The following PARL variants were observed in gnomAD, a reference collection of about 807,000 sequenced individuals.
The protein encoded by PARL is presenilin-associated rhomboid-like protein, mitochondrial.
Under a neutral mutation model 51.6 loss-of-function variants are expected in PARL, and 44 were observed. The ratio of observed to expected loss-of-function variants is 0.85; its 90% CI spans 0.67 to 1.10. The LOEUF (loss-of-function observed/expected upper bound fraction) is 1.10, where lower values mean the gene tolerates loss of function less well. PARL is among the 50% of genes least tolerant of loss of function. PARL has a pLI of 0.00. For synonymous variants in PARL, 172 were observed against 164.0 expected, an observed-to-expected ratio of 1.05 and a Z score of -0.37; for missense variants, 441 against 469.5, an observed-to-expected ratio of 0.94 and a Z score of 0.56.
intron 6 of PARL, among the ~76,000 whole-genome samples, chr3:183,841,198 C>T (rs1331226769): frequency 1.3e-5 from 2 of 152,170 alleles, no homozygotes; most frequent in Admixed American, 1.3e-4. Flanking sequence ...GCTTCAGTGC[C>T]ATTTGAGTCA....
chr3:183,853,928 C>G (rs1577332147), intron 4 of PARL, among the ~76,000 whole-genome samples: 1 of 152,136 alleles, frequency 6.6e-6, no homozygotes, highest in Non-Finnish European at 1.5e-5. Flanking sequence ...TCCACCAATC[C>G]TGTAACTGGA....
chr3:183,852,387 A>C (rs751017325), intron 4 of PARL, among the ~76,000 whole-genome samples: 3 of 152,236 alleles, frequency 2.0e-5, no homozygotes, highest in Non-Finnish European at 4.4e-5. Flanking sequence ...ATGCAAAAGA[A>C]GCTGGACCAA....
chr3:183,863,125 C>G (rs1391005072), intron 3 of PARL, among the ~76,000 whole-genome samples: 3 of 152,024 alleles, frequency 2.0e-5, no homozygotes, highest in Non-Finnish European at 2.9e-5. Flanking sequence ...AATGTAAAGC[C>G]CCTAGCACAC....
chr3:183,829,827 G>A (rs1047376297), intron 9 of PARL, 118 bp from the exon 10 acceptor site: 27 of 815,412 alleles, frequency 3.3e-5, no homozygotes, highest in Admixed American at 9.0e-5. Flanking sequence ...CTATGTAGCC[G>A]ATTAAAACTG....
intron 1 of PARL, chr3:183,879,744 C>A (rs1302749935): frequency 1.0e-6 from 1 of 976,502 alleles, no homozygotes; most frequent in East Asian, 1.1e-4. Context: ...GGGGGGAGGT[C>A]CTCGCTCTGT....
In PARL at chr3:183,843,378, A is replaced by G; in HGVS notation, c.607+853T>C. 3 of 687,356 alleles carry G rather than the reference A, an allele frequency of 4.4e-6. No individual in the cohort carries two copies. The South Asian group carries it at 2.0e-4, about 45-fold the overall frequency. The allele number at this position is 687,356 out of a possible 1,614,324, so 42.6% of individuals were successfully genotyped here. On this transcript the variant is annotated intron_variant, in intron 5 of 9. Coordinates refer to ENST00000317096, the MANE Select transcript of PARL (RefSeq NM_018622.7). ...TAAAAACAAAAAAAATTAGCTGGGC[A>G]TGGTGGCATGCACCTGTAGTCCCAG...
chr3:183,861,368 T>C (rs1377031715), intron 4 of PARL: 2 of 241,534 alleles, frequency 8.3e-6, no homozygotes, highest in Non-Finnish European at 1.3e-5. Context: ...TGTCACAAAA[T>C]GAAAGATGTC....
intron 4 of PARL, among the ~76,000 whole-genome samples, chr3:183,856,856 C>T (rs991432160): frequency 6.6e-6 from 1 of 152,118 alleles, no homozygotes; most frequent in Non-Finnish European, 1.5e-5. Context: ...CTTTGCAATA[C>T]ACAAAATTTT....
intron 4 of PARL, among the ~76,000 whole-genome samples, chr3:183,860,229 T>C (rs758929058): frequency 7.2e-5 from 11 of 152,186 alleles, no homozygotes; most frequent in Non-Finnish European, 1.5e-4. Flanking sequence ...GCTGGACTAA[T>C]TGGCACCCCA....
chr3:183,881,357 G>A (rs550316141), intron 1 of PARL, among the ~76,000 whole-genome samples: 1 of 147,066 alleles, frequency 6.8e-6, no homozygotes, highest in South Asian at 2.2e-4. Context: ...CCTGACCTCA[G>A]GTGATCCACC....
chr3:183,862,839 A>T, intron 3 of PARL, 38 bp from the exon 4 acceptor site: 1 of 1,547,724 alleles, frequency 6.5e-7, no homozygotes, highest in Non-Finnish European at 8.9e-7. Context: ...ACATGTGAGA[A>T]ATTTCAGGCT....
intron 3 of PARL, among the ~76,000 whole-genome samples, chr3:183,864,822 A>T (rs1365355939): frequency 6.6e-6 from 1 of 151,838 alleles, no homozygotes; most frequent in African/African-American, 2.4e-5. Flanking sequence ...CTAAAAGCAA[A>T]CATTTTTAAG....
At position 183,858,807 on chromosome 3, in the gene PARL, T is replaced by C. The variant is rs552205875; in HGVS notation, c.511+3946A>G. Among the ~76,000 whole-genome samples, 6 of 152,248 alleles carry C rather than the reference T, an allele frequency of 3.9e-5. No homozygotes were observed. The South Asian group carries it at 1.2e-3, about 32-fold the overall frequency. ...TTTAAGTTTGAAGAATGCCACGTTATACTCCCCGCTTGCCCCACAAATACC... is the reference window on the plus strand; with the variant it reads ...TTTAAGTTTGAAGAATGCCACGTTACACTCCCCGCTTGCCCCACAAATACC... On this transcript the variant is annotated intron_variant, in intron 4 of 9. Coordinates refer to ENST00000317096, the MANE Select transcript of PARL (RefSeq NM_018622.7).
intron 9 of PARL, 51 bp downstream of exon 9, chr3:183,833,441 G>C: frequency 9.4e-7 from 1 of 1,068,964 alleles, no homozygotes; most frequent in Non-Finnish European, 1.5e-6. Context: ...GGGGTAGGAG[G>C]AGCGCATGAC....
intron 6 of PARL, among the ~76,000 whole-genome samples, chr3:183,841,015 T>C (rs1189896875): frequency 6.6e-6 from 1 of 152,218 alleles, no homozygotes; most frequent in East Asian, 1.9e-4. Flanking sequence ...TCTGACCTGC[T>C]GCATGATCTG....
intron 1 of PARL, among the ~76,000 whole-genome samples, chr3:183,881,417 C>T (rs965233313): frequency 1.3e-5 from 2 of 152,228 alleles, no homozygotes; most frequent in African/African-American, 2.4e-5. Context: ...CCACTATGCC[C>T]AGCCTGTGCA....
intron 1 of PARL, among the ~76,000 whole-genome samples, chr3:183,870,961 C>T (rs1733119502): frequency 1.3e-5 from 2 of 152,264 alleles, no homozygotes; most frequent in South Asian, 4.1e-4. Flanking sequence ...GGGTACTTCT[C>T]TCCTTTGCAC....
chr3:183,828,152 T>C (rs1727563771), downstream of PARL, among the ~76,000 whole-genome samples: 1 of 152,206 alleles, frequency 6.6e-6, no homozygotes, highest in South Asian at 2.1e-4. Context: ...GCTCCAGCAT[T>C]GAGGGGTTTT....
chr3:183,846,599 T>G, intron 4 of PARL: 1 of 985,280 alleles, frequency 1.0e-6, no homozygotes, highest in Non-Finnish European at 1.2e-6. Flanking sequence ...GCTTTTCTGA[T>G]AAATAATGAG....
Sources: allele counts gnomAD v4.1 joint callset (sites outside exome capture counted in the v4.1 genomes callset), GRCh38; gene constraint gnomAD v4.1.1; transcripts MANE v1.5; gene names NCBI Gene and HGNC (gene_info 2026-07-23, HGNC 2026-07-21).